SLC35H1: variants seen among roughly 807,000 people sequenced by gnomAD.
SLC35H1 encodes the protein solute carrier family 35 member H1, also known as ovarian cancer-overexpressed gene 1 protein.
the SLC35H1 span, chr20:46,354,973 G>A: frequency 6.2e-7 from 1 of 1,613,940 alleles, no homozygotes; most frequent in Non-Finnish European, 8.5e-7. Flanking sequence ...GGCCTGCAGG[G>A]CGGGGGACAG....
chr20:46,351,058 G>A, the SLC35H1 span, among the ~76,000 whole-genome samples: 1 of 152,260 alleles, frequency 6.6e-6, no homozygotes, highest in African/African-American at 2.4e-5. Flanking sequence ...CCGGCTTGCG[G>A]CGCTGTCCCG....
chr20:46,359,671 C>T, the SLC35H1 span, among the ~76,000 whole-genome samples: 58 of 152,332 alleles, frequency 3.8e-4, no homozygotes, highest in African/African-American at 1.3e-3. Flanking sequence ...CTGATGAGTG[C>T]CCGGAGCATG....
At chr20:46,348,908 A>C in the SLC35H1 span, 1 of 152,254 alleles carries the variant, frequency 6.6e-6, no homozygotes, top group Admixed American at 6.5e-5. Flanking sequence ...ATGGTCCCCA[A>C]ACCCCAAATA....
the SLC35H1 span, among the ~76,000 whole-genome samples, chr20:46,358,184 C>T: frequency 6.6e-6 from 1 of 152,226 alleles, no homozygotes; most frequent in Non-Finnish European, 1.5e-5. Context: ...ACACCCCCCG[C>T]TCTCCTTGGT....
At chr20:46,357,988 A>G in the SLC35H1 span, among the ~76,000 whole-genome samples, 1 of 152,152 alleles carries the variant, frequency 6.6e-6, no homozygotes, top group African/African-American at 2.4e-5. Flanking sequence ...ACTCAATCCT[A>G]GCCTGGTGCT....
the SLC35H1 span, chr20:46,346,634 C>CA: frequency 2.6e-5 from 4 of 152,058 alleles, no homozygotes; most frequent in Non-Finnish European, 4.4e-5. Flanking sequence ...ACTAAAAATA[C>CA]AAAAAATGCT....
chr20:46,355,837 A>C, the SLC35H1 span: 1 of 1,614,156 alleles, frequency 6.2e-7, no homozygotes, highest in Non-Finnish European at 8.5e-7. This position sits in a 1 kb window ranked among gnomAD's most constrained non-coding sequence, Gnocchi z 4.8. Flanking sequence ...GAGAAGATCA[A>C]GATGAAGAGG....
the SLC35H1 span, chr20:46,354,767 G>A: frequency 4.7e-5 from 43 of 911,352 alleles, 2 homozygotes; most frequent in Middle Eastern, 1.0e-3. Context: ...GCTTCCAGGG[G>A]AGGGACTGCA....
the SLC35H1 span, chr20:46,352,271 GC>G: frequency 2.6e-6 from 4 of 1,566,642 alleles, no homozygotes; most frequent in Non-Finnish European, 3.5e-6. Flanking sequence ...GTCCTGGGCT[GC>G]CTTGGCCAGC....
chr20:46,351,172 G>A, the SLC35H1 span, among the ~76,000 whole-genome samples: 1 of 152,260 alleles, frequency 6.6e-6, no homozygotes, highest in African/African-American at 2.4e-5. Context: ...AGGGTGTCCA[G>A]ATCGCGCCTT....
At chr20:46,355,998 G>C in the SLC35H1 span, 1 of 1,394,456 alleles carries the variant, frequency 7.2e-7, no homozygotes, top group African/African-American at 1.4e-5. This position sits in a 1 kb window ranked among gnomAD's most constrained non-coding sequence, Gnocchi z 4.8. Context: ...TCATCTGAGT[G>C]ATAAGCGACC....
the SLC35H1 span, among the ~76,000 whole-genome samples, chr20:46,362,341 G>A: frequency 6.6e-6 from 1 of 152,228 alleles, no homozygotes; most frequent in Non-Finnish European, 1.5e-5. Context: ...TTTCCACAGA[G>A]AGCAGCTTAG....
At chr20:46,356,689 G>A in the SLC35H1 span, 3 of 1,559,100 alleles carry the variant, frequency 1.9e-6, no homozygotes, top group South Asian at 3.4e-5. Flanking sequence ...ACACTCTGCT[G>A]GGGTGGGCTG....
the SLC35H1 span, chr20:46,355,269 A>C: frequency 2.5e-6 from 4 of 1,595,254 alleles, no homozygotes; most frequent in Non-Finnish European, 3.4e-6. This position sits in a 1 kb window ranked among gnomAD's most constrained non-coding sequence, Gnocchi z 4.8. Context: ...AGTGGCAGCT[A>C]ACTCGGGGGT....
At chr20:46,363,846 C>G in the SLC35H1 span, among the ~76,000 whole-genome samples, 1 of 152,256 alleles carries the variant, frequency 6.6e-6, no homozygotes, top group Non-Finnish European at 1.5e-5. Context: ...TCTTCTGCCA[C>G]TGGTCCCAGC....
chr20:46,355,927 T>C, the SLC35H1 span: 5 of 1,604,824 alleles, frequency 3.1e-6, no homozygotes, highest in Admixed American at 3.5e-5. The surrounding 1 kb of genome is among the most constrained non-coding windows in gnomAD (Gnocchi z 4.8). Flanking sequence ...CTCAGACCCA[T>C]CACCGAGAAA....
the SLC35H1 span, chr20:46,363,232 T>C: frequency 2.0e-5 from 3 of 152,348 alleles, no homozygotes; most frequent in South Asian, 2.1e-4. Context: ...TCTATAAAAA[T>C]TGGGTGCCTA....
chr20:46,346,785 C>G, the SLC35H1 span: 2 of 151,444 alleles, frequency 1.3e-5, no homozygotes, highest in African/African-American at 4.9e-5. Flanking sequence ...ACTTGGGAAG[C>G]TGAGACAGGA....
chr20:46,364,367 T>C, the SLC35H1 span: 2 of 152,172 alleles, frequency 1.3e-5, no homozygotes, highest in African/African-American at 4.8e-5. Context: ...GCACACCCAC[T>C]CACCTCGGCC....
Sources: gnomAD v4.1 joint callset for allele counts (sites outside exome capture counted in the v4.1 genomes callset) on GRCh38, gnomAD v4.1.1 for gene constraint, Gnocchi (gnomAD v3.1) non-coding constraint, MANE v1.5 for transcripts, NCBI Gene and HGNC (gene_info 2026-07-23, HGNC 2026-07-21) for gene names.